EHBP1: variants seen among roughly 807,000 people sequenced by gnomAD.
The protein encoded by EHBP1 is EH domain binding protein 1.
In EHBP1, 55 loss-of-function variants were observed where a neutral mutation model predicts 144.0. That is an observed-to-expected ratio of 0.38 (90% CI 0.31 to 0.48). The LOEUF is 0.48. EHBP1 is among the 20% of genes least tolerant of loss of function. The probability of loss-of-function intolerance (pLI) is 0.98; values close to 1 mark genes in which losing one functional copy is unlikely to be tolerated. For synonymous variants in EHBP1, 469 were observed against 472.7 expected, an observed-to-expected ratio of 0.99 and a Z score of 0.10; for missense variants, 1,200 against 1,364.2, an observed-to-expected ratio of 0.88 and a Z score of 1.90.
At chr2:62,976,340 C>A (rs1311750486) in intron 14 of EHBP1, among the ~76,000 whole-genome samples, 1 of 152,132 alleles carries the variant, frequency 6.6e-6, no homozygotes, top group African/African-American at 2.4e-5. Flanking sequence ...AAAAAAATTG[C>A]CTGGGCTTGA....
chr2:62,804,957 T>C (rs1169482887), intron 5 of EHBP1, among the ~76,000 whole-genome samples: 1 of 152,152 alleles, frequency 6.6e-6, no homozygotes, highest in Non-Finnish European at 1.5e-5. Context: ...TCCCCTGCCC[T>C]TCACCCCAGC....
chr2:62,961,950 C>T (rs956510643), intron 14 of EHBP1, among the ~76,000 whole-genome samples: 1 of 152,192 alleles, frequency 6.6e-6, no homozygotes, highest in African/African-American at 2.4e-5. Flanking sequence ...ATTGCTTGAA[C>T]TCGGGAGGCG....
intron 14 of EHBP1, among the ~76,000 whole-genome samples, chr2:62,968,170 G>A (rs2058331732): frequency 6.6e-6 from 1 of 152,058 alleles, no homozygotes. Flanking sequence ...ATCCAAAGGA[G>A]TTCATAAATA....
intron 1 of EHBP1, among the ~76,000 whole-genome samples, chr2:62,694,033 T>G (rs2033997692): frequency 6.6e-6 from 1 of 152,238 alleles, no homozygotes; most frequent in South Asian, 2.1e-4. Flanking sequence ...TTTGTTTTCT[T>G]CTAACAGTTT....
intron 5 of EHBP1, among the ~76,000 whole-genome samples, chr2:62,796,667 T>A (rs2043556290): frequency 6.6e-6 from 1 of 152,218 alleles, no homozygotes; most frequent in Admixed American, 6.5e-5. Flanking sequence ...ATACTTTGAC[T>A]TCCATAGCAT....
chr2:62,727,295 T>A lies in EHBP1; in HGVS notation c.104+20000T>A, dbSNP rs529528673. On this transcript the variant is annotated intron_variant, in intron 2 of 22. Transcript: ENST00000431489. The stretch of plus-strand genomic sequence containing the variant: ...TTCTGGATTTCTTCTTCTTCCTTTT[T>A]TTTTTTTTAAACAGATTTATTGAGG... 2.0e-5 allele frequency among the ~76,000 whole-genome samples: 3 copies of A among 152,194 alleles called. No individual in the cohort carries two copies. The South Asian group carries it at 6.2e-4, about 31-fold the overall frequency.
At chr2:62,809,824 T>C (rs573548782) in intron 5 of EHBP1, among the ~76,000 whole-genome samples, 29 of 152,338 alleles carry the variant, frequency 1.9e-4, no homozygotes, top group African/African-American at 6.7e-4. Context: ...TGTCTACACC[T>C]AGCCTCTACA....
Position 63,045,008 on chromosome 2 carries a change from G to T in EHBP1, c.3278-58G>T. The T allele has an allele frequency of 7.9e-7, 1 of 1,273,512 alleles. No homozygotes were observed. Among genetic ancestry groups the T allele is most frequent in the Non-Finnish European group, 1.1e-6 (1 of 904,378 alleles). 78.9% of individuals were successfully genotyped at this position (1,273,512 alleles called of 1,614,324 possible). The stretch of plus-strand genomic sequence containing the variant: ...CTGGAAAAGGCGGGAAGGGGAGGGC[G>T]GGGGGCCGGGTGTTCGGAGGCCCTG... On this transcript the variant is annotated intron_variant, in intron 21 of 22. Transcript: ENST00000431489. The surrounding 1 kb of genome is among the most constrained non-coding windows in gnomAD (Gnocchi z 5.7).
rs542721336 is a variant in EHBP1, at chr2:62,925,866, A to G, written c.1186-16852A>G. On this transcript the variant is annotated intron_variant, in intron 10 of 22. Coordinates refer to ENST00000431489, the MANE Select transcript of EHBP1 (RefSeq NM_001142616.3). Reference sequence around the variant, plus strand: ...CAGATTAAATGCAATATCTATCAAAATACCAATTACATTCTTCACAGAAAT... The same window carrying G: ...CAGATTAAATGCAATATCTATCAAAGTACCAATTACATTCTTCACAGAAAT... Among the ~76,000 whole-genome samples the G allele has an allele frequency of 2.0e-5, 3 of 152,280 alleles. No homozygotes were observed. In the South Asian group the frequency reaches 6.2e-4, roughly 32 times the overall value.
chr2:62,900,682 G>GTATATA lies in EHBP1; in HGVS notation c.1185+26151_1185+26152insATATAT, dbSNP rs1445035888. Among the ~76,000 whole-genome samples the GTATATA allele has an allele frequency of 3.5e-4, 50 of 144,482 alleles. 2 individuals carry two copies. Among genetic ancestry groups the GTATATA allele is most frequent in the Middle Eastern group, 3.6e-3 (1 of 280 alleles). 94.8% of individuals were successfully genotyped at this position (144,482 alleles called of 152,430 possible). A position where few individuals can be genotyped will look rare whatever the true frequency, so the allele number is the denominator to read the frequency against. Reference sequence around the variant, plus strand: ...TTGTTTTTTGTGGGTGTGTGTGTATGTGTATATATATATATATATATTTTC... The same window carrying GTATATA: ...TTGTTTTTTGTGGGTGTGTGTGTATGTATATATGTATATATATATATATATATTTTC... On this transcript the variant is annotated intron_variant, in intron 10 of 22. Coordinates refer to ENST00000431489, the MANE Select transcript of EHBP1 (RefSeq NM_001142616.3).
intron 10 of EHBP1, among the ~76,000 whole-genome samples, chr2:62,941,557 C>A (rs2056757294): frequency 6.6e-6 from 1 of 152,074 alleles, no homozygotes; most frequent in Non-Finnish European, 1.5e-5. Flanking sequence ...CTCACAAAAG[C>A]AGTGAATGCA....
chr2:62,755,850 C>T (rs1573160517), intron 3 of EHBP1, among the ~76,000 whole-genome samples: 1 of 151,598 alleles, frequency 6.6e-6, no homozygotes, highest in South Asian at 2.1e-4. Flanking sequence ...TAGTTATCAA[C>T]AAAAAACAAT....
intron 9 of EHBP1, among the ~76,000 whole-genome samples, chr2:62,870,446 G>A (rs1287897642): frequency 6.6e-6 from 1 of 151,998 alleles, no homozygotes; most frequent in Non-Finnish European, 1.5e-5. Context: ...CAGGTGTGGT[G>A]GCTCACACCT....
chr2:62,936,893 A>G (rs1296880590), intron 10 of EHBP1, among the ~76,000 whole-genome samples: 2 of 152,200 alleles, frequency 1.3e-5, no homozygotes, highest in Non-Finnish European at 2.9e-5. Context: ...TCCCTCAACC[A>G]TGATTTGCAA....
intron 19 of EHBP1, among the ~76,000 whole-genome samples, chr2:63,031,686 T>C (rs2061254035): frequency 6.6e-6 from 1 of 152,210 alleles, no homozygotes; most frequent in African/African-American, 2.4e-5. Flanking sequence ...CCCAGCACTT[T>C]GGAAGGCCGA....
intron 19 of EHBP1, among the ~76,000 whole-genome samples, chr2:63,011,927 C>A (rs1341149185): frequency 2.0e-5 from 3 of 151,852 alleles, no homozygotes; most frequent in African/African-American, 7.2e-5. Flanking sequence ...TAGAACAACT[C>A]AATGTTGGGA....
At chr2:62,837,806 T>C (rs1367862752) in intron 7 of EHBP1, among the ~76,000 whole-genome samples, 1 of 152,138 alleles carries the variant, frequency 6.6e-6, no homozygotes, top group African/African-American at 2.4e-5. Context: ...TAAATATATA[T>C]GCACCCAATA....
intron 2 of EHBP1, among the ~76,000 whole-genome samples, chr2:62,738,071 T>C (rs1206981338): frequency 6.6e-6 from 1 of 152,024 alleles, no homozygotes; most frequent in East Asian, 1.9e-4. Flanking sequence ...GGCCTTTGTC[T>C]TTTTTTTAGT....
intron 7 of EHBP1, among the ~76,000 whole-genome samples, chr2:62,833,551 G>T (rs1159151537): frequency 6.6e-6 from 1 of 152,168 alleles, no homozygotes; most frequent in Non-Finnish European, 1.5e-5. Flanking sequence ...AATATTTTAA[G>T]ACCATTGTTG....
Sources: allele counts gnomAD v4.1 joint callset (sites outside exome capture counted in the v4.1 genomes callset), GRCh38; gene constraint gnomAD v4.1.1; non-coding constraint Gnocchi (gnomAD v3.1); transcripts MANE v1.5; gene names NCBI Gene and HGNC (gene_info 2026-07-23, HGNC 2026-07-21).